The following XKR6 variants were observed in gnomAD, a reference collection of about 807,000 sequenced individuals.
The protein encoded by XKR6 is XK-related protein 6.
In XKR6, 22 loss-of-function variants were observed where a neutral mutation model predicts 56.7. The ratio of observed to expected loss-of-function variants is 0.39; its 90% CI spans 0.28 to 0.55. XKR6 has a LOEUF of 0.55. Ranked by LOEUF, XKR6 falls within the 20% of genes least tolerant of loss-of-function variation. The pLI, the probability that XKR6 is intolerant of heterozygous loss-of-function variation, is 0.66. For missense variants in XKR6, 852 were observed against 889.0 expected (o/e 0.96, Z 0.53); for synonymous variants, 524 against 387.8 (o/e 1.35, Z -4.13).
intron 1 of XKR6, among the ~76,000 whole-genome samples, chr8:11,198,156 C>T (rs946740720): frequency 1.3e-5 from 2 of 152,168 alleles, no homozygotes; most frequent in African/African-American, 4.8e-5. Flanking sequence ...CATTGACAAG[C>T]AATTGTTTGC....
intron 1 of XKR6, among the ~76,000 whole-genome samples, chr8:10,963,056 C>G (rs942776049): frequency 2.0e-5 from 3 of 152,204 alleles, no homozygotes; most frequent in Admixed American, 6.5e-5. Flanking sequence ...CCCCTGCAGT[C>G]AGCAGACTGA....
chr8:10,928,155 GCCAGAAC>G (rs1800952177), intron 1 of XKR6, among the ~76,000 whole-genome samples: 2 of 152,204 alleles, frequency 1.3e-5, no homozygotes, highest in Admixed American at 6.5e-5. Context: ...GGGCCCAGGT[GCCAGAAC>G]GCAAGCCACT....
intron 1 of XKR6, among the ~76,000 whole-genome samples, chr8:11,039,063 C>A (rs997788748): frequency 2.6e-5 from 4 of 152,116 alleles, no homozygotes; most frequent in Non-Finnish European, 5.9e-5. Flanking sequence ...GTGGCGCAGG[C>A]CCAGTGAGAG....
intron 1 of XKR6, among the ~76,000 whole-genome samples, chr8:11,180,627 C>T (rs572765313): frequency 8.5e-5 from 13 of 152,158 alleles, no homozygotes; most frequent in Admixed American, 2.6e-4. Flanking sequence ...CATGACTGGA[C>T]GGCACAGTGG....
intron 1 of XKR6, among the ~76,000 whole-genome samples, chr8:11,073,140 A>G (rs1800177371): frequency 6.6e-6 from 1 of 152,220 alleles, no homozygotes; most frequent in African/African-American, 2.4e-5. Context: ...TTCCTGAGAA[A>G]GGCAATCATT....
At chr8:11,096,212 A>G (rs1798258697) in intron 1 of XKR6, among the ~76,000 whole-genome samples, 1 of 152,366 alleles carries the variant, frequency 6.6e-6, no homozygotes, top group African/African-American at 2.4e-5. Flanking sequence ...GATTCAGTAC[A>G]AGGATACTTC....
At chr8:11,013,861 C>T (rs185267116) in intron 1 of XKR6, among the ~76,000 whole-genome samples, 11 of 152,238 alleles carry the variant, frequency 7.2e-5, no homozygotes, top group South Asian at 2.1e-4. Context: ...ATCCTGACCA[C>T]GGCCCTGCCT....
In XKR6 at chr8:10,897,815, G is replaced by A. The variant is rs118007354; in HGVS notation, c.*137C>T. The A allele has an allele frequency of 0.024, 25,001 of 1,061,010 alleles. 383 individuals carry two copies. The highest frequency in any genetic ancestry group is 0.027 in the Non-Finnish European group (20,931 of 763,560). 65.7% of individuals were successfully genotyped at this position (1,061,010 alleles called of 1,614,324 possible). ...TTATTAATTCTTTTTTTTTTGTAGT[G>A]GTGGTGTTGGTGTGGCGGTGTTGGT... On this transcript the variant is annotated 3_prime_UTR_variant, in exon 3 of 3. Transcript: ENST00000416569.
chr8:11,039,071 G>C (rs1298293445), intron 1 of XKR6, among the ~76,000 whole-genome samples: 1 of 152,184 alleles, frequency 6.6e-6, no homozygotes, highest in Non-Finnish European at 1.5e-5. Flanking sequence ...GGCCCAGTGA[G>C]AGCCAGGGAG....
chr8:11,003,888 C>T (rs1351169023), intron 1 of XKR6, among the ~76,000 whole-genome samples: 1 of 152,160 alleles, frequency 6.6e-6, no homozygotes, highest in African/African-American at 2.4e-5. Context: ...TCCAGGTGAA[C>T]CGTCCAGAGG....
chr8:11,086,157 T>TTTTTA (rs1491345169), intron 1 of XKR6, among the ~76,000 whole-genome samples: 3,615 of 147,970 alleles, frequency 0.024, 148 homozygotes, highest in African/African-American at 0.076. Flanking sequence ...TATTTTTTTT[T>TTTTTA]AAAAAAAACA....
intron 1 of XKR6, among the ~76,000 whole-genome samples, chr8:11,128,157 T>C (rs1007350757): frequency 6.6e-6 from 1 of 152,188 alleles, no homozygotes; most frequent in Non-Finnish European, 1.5e-5. Context: ...TCTGAATGTT[T>C]GGTTGAGCTT....
intron 1 of XKR6, among the ~76,000 whole-genome samples, chr8:11,116,933 G>T (rs552864628): frequency 6.6e-6 from 1 of 152,106 alleles, no homozygotes; most frequent in Non-Finnish European, 1.5e-5. Flanking sequence ...ATCCTCAGAG[G>T]TATATTTCAG....
chr8:11,144,204 AG>A (rs1455440069), intron 1 of XKR6, among the ~76,000 whole-genome samples: 1 of 133,884 alleles, frequency 7.5e-6, no homozygotes, highest in Non-Finnish European at 1.6e-5. Flanking sequence ...TATTTGATGT[AG>A]TTTTGTTTTA....
At chr8:11,035,737 G>C (rs1799124213) in intron 1 of XKR6, among the ~76,000 whole-genome samples, 1 of 152,142 alleles carries the variant, frequency 6.6e-6, no homozygotes, top group Admixed American at 6.5e-5. Context: ...TCATCCCTGT[G>C]AGGAGGCAGG....
chr8:11,169,161 C>T (rs1241767107), intron 1 of XKR6, among the ~76,000 whole-genome samples: 1 of 152,172 alleles, frequency 6.6e-6, no homozygotes, highest in Non-Finnish European at 1.5e-5. Flanking sequence ...CCAAATCTAG[C>T]CTCATAGTTG....
chr8:11,096,991 G>A (rs918579010), intron 1 of XKR6, among the ~76,000 whole-genome samples: 5 of 152,128 alleles, frequency 3.3e-5, no homozygotes, highest in East Asian at 1.9e-4. Flanking sequence ...TGATGAGAAC[G>A]GTGTGCTCCA....
intron 1 of XKR6, chr8:11,175,682 T>C (rs546429218): frequency 3.3e-5 from 5 of 152,372 alleles, no homozygotes; most frequent in African/African-American, 1.2e-4. Flanking sequence ...AATTAATTTC[T>C]GATTATCTAC....
chr8:11,195,172 G>A, intron 1 of XKR6: 2 of 703,234 alleles, frequency 2.8e-6, no homozygotes, highest in Non-Finnish European at 5.2e-6. Flanking sequence ...AACTTCATGT[G>A]GTTAAATCTG....
Sources: gnomAD v4.1 joint callset for allele counts (sites outside exome capture counted in the v4.1 genomes callset) on GRCh38, gnomAD v4.1.1 for gene constraint, MANE v1.5 for transcripts, NCBI Gene and HGNC (gene_info 2026-07-23, HGNC 2026-07-21) for gene names.